Variants in PPARGC1A observed in about 807,000 individuals in gnomAD.
PPARGC1A encodes PPARG coactivator 1 alpha.
In PPARGC1A, 25 loss-of-function variants were observed where a neutral mutation model predicts 88.7. The ratio of observed to expected loss-of-function variants is 0.28; its 90% CI spans 0.21 to 0.39. The LOEUF (loss-of-function observed/expected upper bound fraction) is 0.39. Ranked by LOEUF, PPARGC1A falls within the 10% of genes least tolerant of loss-of-function variation. The pLI is 1.00. For missense variants in PPARGC1A, 880 were observed against 968.7 expected (o/e 0.91, Z 1.22); for synonymous variants, 363 against 355.6 (o/e 1.02, Z -0.24).
At chr4:23,914,997 C>T in the PPARGC1A span, among the ~76,000 whole-genome samples, 1 of 152,152 alleles carries the variant, frequency 6.6e-6, no homozygotes, top group Non-Finnish European at 1.5e-5. Context: ...GAGAAACCTA[C>T]CACATCCATC....
chr4:24,161,336 T>G, the PPARGC1A span, among the ~76,000 whole-genome samples: 1 of 152,216 alleles, frequency 6.6e-6, no homozygotes, highest in African/African-American at 2.4e-5. Flanking sequence ...AAAGTTCAAC[T>G]CATCACAATT....
At chr4:23,890,240 A>C, upstream of PPARGC1A, 2 of 441,692 alleles carry the variant, frequency 4.5e-6, no homozygotes, top group Non-Finnish European at 7.1e-6. Flanking sequence ...AAAGAAAGAA[A>C]AAGAAAAGAA....
chr4:24,049,036 C>G, the PPARGC1A span, among the ~76,000 whole-genome samples: 2 of 151,710 alleles, frequency 1.3e-5, no homozygotes, highest in Admixed American at 1.3e-4. Context: ...TTCATTTTTA[C>G]AGCCTCTTCC....
At chr4:24,406,319 A>G in the PPARGC1A span, among the ~76,000 whole-genome samples, 4,835 of 152,202 alleles carry the variant, frequency 0.032, 154 homozygotes, top group East Asian at 0.14. Flanking sequence ...AGTGAATCCT[A>G]TCTCCTTCAT....
chr4:24,270,333 C>CTG, the PPARGC1A span, among the ~76,000 whole-genome samples: 418 of 149,144 alleles, frequency 2.8e-3, 2 homozygotes, highest in African/African-American at 9.1e-3. Flanking sequence ...CTCTCTCTCT[C>CTG]TGTGTGTGTG....
At chr4:23,904,798 T>G (rs1309634994), upstream of PPARGC1A, among the ~76,000 whole-genome samples, 1 of 152,162 alleles carries the variant, frequency 6.6e-6, no homozygotes, top group Admixed American at 6.5e-5. Context: ...GCTTTTGAAT[T>G]TAAGAATTAC....
At chr4:24,247,104 GCTC>G in the PPARGC1A span, among the ~76,000 whole-genome samples, 2 of 152,234 alleles carry the variant, frequency 1.3e-5, no homozygotes, top group South Asian at 4.1e-4. Context: ...TGAAAACTGT[GCTC>G]CTCAACTCAC....
chr4:24,357,402 G>C, the PPARGC1A span, among the ~76,000 whole-genome samples: 57,339 of 152,026 alleles, frequency 0.38, 11,162 homozygotes, highest in Non-Finnish European at 0.41. Flanking sequence ...TTTGTCATCC[G>C]TTATCTGGCA....
chr4:24,099,502 G>T, the PPARGC1A span, among the ~76,000 whole-genome samples: 1 of 152,100 alleles, frequency 6.6e-6, no homozygotes, highest in South Asian at 2.1e-4. Flanking sequence ...AGCACGGATG[G>T]GATGAAAGGA....
At chr4:24,023,516 GT>G in the PPARGC1A span, among the ~76,000 whole-genome samples, 2 of 152,208 alleles carry the variant, frequency 1.3e-5, no homozygotes, top group African/African-American at 4.8e-5. Flanking sequence ...GCACTGCAGA[GT>G]TTTCCAGCTG....
At position 23,829,501 on chromosome 4, in the gene PPARGC1A, G is replaced by A. The variant is rs144933609; in HGVS notation, c.514C>T (p.His172Tyr). 6.2e-7 allele frequency: 1 copy of A among 1,613,600 alleles called. No individual in the cohort carries two copies. The highest frequency in any genetic ancestry group is 8.5e-7 in the Non-Finnish European group (1 of 1,179,688). ...SGLSTQNHAN[H>Y]NHRIRTNPAI... ...GGGTTTGTTCTGATCCTGTGATTGTGATTTGCATGGTTCTGGGTACTGAGA... is the reference window on the plus strand; with the variant it reads ...GGGTTTGTTCTGATCCTGTGATTGTAATTTGCATGGTTCTGGGTACTGAGA... The change falls in exon 4 of 13, where the codon CAC (histidine) becomes TAC (tyrosine). Residue 172 changes from histidine to tyrosine, a missense_variant. Physicochemically the swap from His to Tyr is moderately conservative, Grantham distance 83. Coordinates refer to ENST00000264867, the MANE Select transcript of PPARGC1A (RefSeq NM_013261.5).
At chr4:24,356,088 T>C in the PPARGC1A span, among the ~76,000 whole-genome samples, 1 of 151,478 alleles carries the variant, frequency 6.6e-6, no homozygotes, top group Non-Finnish European at 1.5e-5. Flanking sequence ...TCCCAGCTAC[T>C]CAGGAGGCTG....
At chr4:23,974,457 G>T in the PPARGC1A span, among the ~76,000 whole-genome samples, 1 of 152,090 alleles carries the variant, frequency 6.6e-6, no homozygotes, top group Non-Finnish European at 1.5e-5. Flanking sequence ...CATATAAAAG[G>T]TGCTAAATAA....
At chr4:24,024,543 C>T in the PPARGC1A span, among the ~76,000 whole-genome samples, 1 of 152,198 alleles carries the variant, frequency 6.6e-6, no homozygotes, top group South Asian at 2.1e-4. Context: ...TGTCATATTG[C>T]TGCCCATACC....
chr4:23,856,566 T>A (rs557573853), intron 2 of PPARGC1A, among the ~76,000 whole-genome samples: 1 of 152,214 alleles, frequency 6.6e-6, no homozygotes, highest in African/African-American at 2.4e-5. Context: ...TATGCACTAA[T>A]GATAGCCACT....
chr4:24,299,692 A>C, the PPARGC1A span, among the ~76,000 whole-genome samples: 1 of 152,100 alleles, frequency 6.6e-6, no homozygotes, highest in African/African-American at 2.4e-5. Flanking sequence ...ATAACAAACT[A>C]AGGACTAATT....
the PPARGC1A span, among the ~76,000 whole-genome samples, chr4:24,194,905 A>G: frequency 2.0e-5 from 3 of 152,328 alleles, no homozygotes; most frequent in East Asian, 5.8e-4. Context: ...AGTAGAGAAT[A>G]TGGTTAGCTG....
the PPARGC1A span, among the ~76,000 whole-genome samples, chr4:24,381,719 G>A: frequency 6.6e-5 from 10 of 152,212 alleles, no homozygotes; most frequent in African/African-American, 9.7e-5. Flanking sequence ...TACAAATAAC[G>A]TGGTACCAGG....
At chr4:24,400,209 G>C in the PPARGC1A span, among the ~76,000 whole-genome samples, 2 of 152,134 alleles carry the variant, frequency 1.3e-5, no homozygotes, top group African/African-American at 4.8e-5. Context: ...ATTAGTCCTG[G>C]GTGTGTCTGG....
Sources: gnomAD v4.1 joint callset for allele counts (sites outside exome capture counted in the v4.1 genomes callset) on GRCh38, gnomAD v4.1.1 for gene constraint, MANE v1.5 for transcripts, NCBI Gene and HGNC (gene_info 2026-07-23, HGNC 2026-07-21) for gene names.